NAA35: variants seen among roughly 807,000 people sequenced by gnomAD.
NAA35 encodes MAK10 homolog, amino-acid N-acetyltransferase subunit.
NAA35 carries 18 observed loss-of-function variants against 101.7 expected under a neutral mutation model. The observed-to-expected ratio is 0.18, with a 90% CI of 0.12 to 0.26. NAA35 has a LOEUF of 0.26. Among genes scored for constraint, NAA35 ranks in the 10% least tolerant of loss-of-function variants. The pLI, the probability that NAA35 is intolerant of heterozygous loss-of-function variation, is 1.00. For synonymous variants in NAA35, 267 were observed against 273.1 expected (o/e 0.98, Z 0.22); for missense variants, 601 against 886.8 (o/e 0.68, Z 4.09).
At chr9:86,018,435 T>G in intron 20 of NAA35, 40 bp downstream of exon 20, 4 of 1,581,910 alleles carry the variant, frequency 2.5e-6, no homozygotes, top group Admixed American at 1.8e-5. Flanking sequence ...ATCTTTAGTC[T>G]TAGACCTTCT....
chr9:85,955,057 A>G (rs776129887), intron 2 of NAA35, among the ~76,000 whole-genome samples: 19 of 151,868 alleles, frequency 1.3e-4, no homozygotes, highest in South Asian at 4.2e-4. Flanking sequence ...AGCTGGGATT[A>G]CAGGCACCCA....
intron 15 of NAA35, among the ~76,000 whole-genome samples, chr9:86,011,662 AT>A (rs1480708075): frequency 2.7e-5 from 4 of 150,736 alleles, no homozygotes; most frequent in Non-Finnish European, 5.9e-5. Flanking sequence ...ACCCGGCTTC[AT>A]TTTTATTTAA....
intron 21 of NAA35, among the ~76,000 whole-genome samples, chr9:86,019,275 A>G (rs1832399595): frequency 6.6e-6 from 1 of 152,124 alleles, no homozygotes; most frequent in Admixed American, 6.5e-5. Context: ...CCTGGCCAAC[A>G]TGGTGAAATC....
intron 9 of NAA35, 47 bp from the exon 10 acceptor site, chr9:85,977,316 C>T: frequency 1.6e-6 from 2 of 1,287,684 alleles, no homozygotes; most frequent in East Asian, 2.3e-5. Flanking sequence ...AAATTCCTTT[C>T]ACGGGCTTTG....
chr9:85,944,958 C>T (rs924039434), intron 2 of NAA35, among the ~76,000 whole-genome samples: 2 of 152,178 alleles, frequency 1.3e-5, no homozygotes, highest in African/African-American at 4.8e-5. Flanking sequence ...TAAAGGTCCT[C>T]TTAATTTTAG....
intron 10 of NAA35, 29 bp from the exon 11 acceptor site, chr9:85,978,238 A>C: frequency 7.7e-7 from 1 of 1,299,846 alleles, no homozygotes; most frequent in Non-Finnish European, 1.1e-6. Context: ...AAGAATATGT[A>C]AGAATGTTTT....
chr9:85,966,633 A>G (rs1192237585), intron 6 of NAA35: 25 of 1,298,610 alleles, frequency 1.9e-5, no homozygotes, highest in Non-Finnish European at 2.5e-5. Context: ...TTTCATGAAT[A>G]TAATTTTAAA....
chr9:85,964,308 A>G (rs1468214857), intron 6 of NAA35, among the ~76,000 whole-genome samples: 4 of 152,228 alleles, frequency 2.6e-5, no homozygotes, highest in Admixed American at 2.6e-4. Flanking sequence ...TCATGTATAT[A>G]TGTATGTATG....
At chr9:85,979,056 C>G (rs1478126989) in intron 11 of NAA35, among the ~76,000 whole-genome samples, 1 of 152,094 alleles carries the variant, frequency 6.6e-6, no homozygotes, top group Non-Finnish European at 1.5e-5. Context: ...ATTGTCACTT[C>G]GATTACACAT....
At chr9:86,000,059 T>A (rs1422496083) in intron 12 of NAA35, among the ~76,000 whole-genome samples, 1 of 152,206 alleles carries the variant, frequency 6.6e-6, no homozygotes, top group African/African-American at 2.4e-5. Flanking sequence ...CTTATTGTTT[T>A]GAGGTGTGGT....
intron 9 of NAA35, 83 bp downstream of exon 9, chr9:85,976,818 A>G (rs894381320): frequency 6.3e-5 from 64 of 1,010,860 alleles, no homozygotes; most frequent in Admixed American, 1.1e-4. Context: ...GTTATAATTT[A>G]TGGAAGCCCT....
intron 11 of NAA35, among the ~76,000 whole-genome samples, chr9:85,985,796 T>C (rs1328241740): frequency 2.0e-5 from 3 of 152,294 alleles, no homozygotes; most frequent in East Asian, 1.9e-4. Flanking sequence ...AGAGAAATGA[T>C]TTCAGACTGG....
chr9:85,949,868 A>G (rs1424474583), intron 2 of NAA35, among the ~76,000 whole-genome samples: 1 of 151,642 alleles, frequency 6.6e-6, no homozygotes, highest in African/African-American at 2.4e-5. Flanking sequence ...TGTCGTCTAG[A>G]ATTGCTGGGA....
intron 2 of NAA35, among the ~76,000 whole-genome samples, chr9:85,952,233 CT>C (rs138315832): frequency 9.5e-4 from 116 of 121,946 alleles, no homozygotes; most frequent in Middle Eastern, 4.4e-3. Flanking sequence ...GATTGTTTTT[CT>C]TTTTTTTTTT....
intron 8 of NAA35, 105 bp downstream of exon 8, chr9:85,975,262 T>A: frequency 8.8e-7 from 1 of 1,141,016 alleles, no homozygotes; most frequent in Non-Finnish European, 1.3e-6. Context: ...CTGTATGTGC[T>A]TTGTATTTTT....
In NAA35 at chr9:86,004,569, G is replaced by T. The variant is rs543279791; in HGVS notation, c.1116+925G>T. Among the ~76,000 whole-genome samples the T allele has an allele frequency of 9.8e-4, 149 of 152,142 alleles. 4 individuals carry two copies. In the South Asian group the frequency reaches 0.03, roughly 30 times the overall value. ...ATTAAAACAAACAGAAGGAAATAAT[G>T]AGCAGAAATTAGTAAAATATAGAAC... On this transcript the variant is annotated intron_variant, in intron 13 of 22. Coordinates refer to ENST00000361671, the MANE Select transcript of NAA35 (RefSeq NM_024635.4).
At chr9:86,013,003 G>A (rs1333034073) in intron 15 of NAA35, 43 bp from the exon 16 acceptor site, 2 of 1,345,292 alleles carry the variant, frequency 1.5e-6, no homozygotes, top group Non-Finnish European at 2.0e-6. Flanking sequence ...TTGGTACTAG[G>A]AAATTTCATA....
intron 11 of NAA35, among the ~76,000 whole-genome samples, chr9:85,988,890 A>G (rs1010654484): frequency 2.0e-5 from 3 of 152,190 alleles, no homozygotes; most frequent in Admixed American, 6.5e-5. Flanking sequence ...TGAGAAAGTA[A>G]TAGCAAAAGA....
At chr9:85,979,390 TA>T (rs921346581) in intron 11 of NAA35, among the ~76,000 whole-genome samples, 1 of 152,150 alleles carries the variant, frequency 6.6e-6, no homozygotes, top group Non-Finnish European at 1.5e-5. Flanking sequence ...CTGAGAAAAG[TA>T]AAAACTCCTT....
Sources: allele counts gnomAD v4.1 joint callset (sites outside exome capture counted in the v4.1 genomes callset), GRCh38; gene constraint gnomAD v4.1.1; transcripts MANE v1.5; gene names NCBI Gene and HGNC (gene_info 2026-07-23, HGNC 2026-07-21).